The following DMD variants were observed in gnomAD, a reference collection of about 807,000 sequenced individuals.
The protein encoded by DMD is mutant dystrophin.
DMD carries 63 observed loss-of-function variants against 330.1 expected under a neutral mutation model. That is an observed-to-expected ratio of 0.19 (90% confidence interval 0.16 to 0.24). The LOEUF (loss-of-function observed/expected upper bound fraction) is 0.24, where lower values mean the gene tolerates loss of function less well. DMD is among the 10% of genes least tolerant of loss of function. The pLI is 1.00. For missense variants in DMD, 3,344 were observed against 2,684.1 expected (o/e 1.25, Z -5.43); for synonymous variants, 1,223 against 959.8 (o/e 1.27, Z -5.07).
intron 23 of DMD, among the ~76,000 whole-genome samples, chrX:32,465,498 G>GC (rs902440089): frequency 1.9e-5 from 2 of 107,884 alleles, no homozygotes; most frequent in Non-Finnish European, 3.8e-5. Flanking sequence ...CGATCACCTT[G>GC]CTGTTATCTT....
chrX:32,214,816 C>T lies in DMD; in HGVS notation c.6438+2100G>A, dbSNP rs141100637. ...TTGAATTTATTTGAAGTATCAAGCA[C>T]GCGCTAAGTTAAAATTCACAATGTC... On this transcript the variant is annotated intron_variant, in intron 44 of 78. Coordinates refer to ENST00000357033, the MANE Select transcript of DMD (RefSeq NM_004006.3). Among the ~76,000 whole-genome samples the T allele has an allele frequency of 2.5e-3, 274 of 111,767 alleles. 1 individual carries two copies. Among genetic ancestry groups the T allele is most frequent in the African/African-American group, 8.3e-3 (256 of 30,775 alleles).
chrX:31,764,219 A>G (rs1211968858), intron 51 of DMD, among the ~76,000 whole-genome samples: 1 of 111,506 alleles, frequency 9.0e-6, no homozygotes, highest in Admixed American at 9.6e-5. Flanking sequence ...ATCTCATTAT[A>G]TATAGCTTCT....
At chrX:32,303,817 A>G (rs903579086) in intron 42 of DMD, among the ~76,000 whole-genome samples, 2 of 110,459 alleles carry the variant, frequency 1.8e-5, no homozygotes, top group African/African-American at 6.6e-5. Flanking sequence ...GCAACACCCT[A>G]TATAAATCTA....
intron 30 of DMD, among the ~76,000 whole-genome samples, chrX:32,391,952 G>A (rs184040997): frequency 3.1e-4 from 35 of 112,077 alleles, no homozygotes; most frequent in Admixed American, 1.8e-3. Flanking sequence ...TCTGTGCCAC[G>A]TAATTCTGGC....
intron 63 of DMD, among the ~76,000 whole-genome samples, chrX:31,227,950 C>T (rs1426195140): frequency 2.8e-5 from 3 of 109,081 alleles, no homozygotes; most frequent in South Asian, 4.1e-4. Flanking sequence ...AGTTCATGTC[C>T]TTTGTAGGGA....
rs761082809 is a variant in DMD, at chrX:31,875,236, C to A, written c.7050G>T (p.Gln2350His). ...LLLWLSPIRN[Q>H]LEIYNQPNQE... is the part of the protein sequence containing the mutation. ...GGTTTGGTTGGTTATAAATTTCCAA[C>A]TGATTCCTAATAGGAGATAACCACA... The change falls in exon 48 of 79, where the codon CAG becomes CAT. Residue 2350 changes from glutamine (Q) to histidine (H), a missense_variant. Gln to His is a conservative substitution (Grantham distance 24). Coordinates refer to ENST00000357033, the MANE Select transcript of DMD (RefSeq NM_004006.3). The A allele has an allele frequency of 2.5e-6, 3 of 1,204,986 alleles. No homozygotes were observed. The highest frequency in any genetic ancestry group is 3.5e-5 in the African/African-American group (2 of 57,433).
chrX:31,325,352 C>G (rs2056706427), intron 61 of DMD, among the ~76,000 whole-genome samples: 1 of 107,556 alleles, frequency 9.3e-6, no homozygotes. Context: ...GTAATCCCAA[C>G]ACTTTGGGAG....
At chrX:31,323,938 G>A (rs1399281163) in intron 61 of DMD, among the ~76,000 whole-genome samples, 2 of 109,811 alleles carry the variant, frequency 1.8e-5, no homozygotes, top group Admixed American at 9.6e-5. Context: ...TGAATGAGTA[G>A]ACTGACGGGG....
chrX:32,206,108 A>C, intron 44 of DMD: 1 of 518,653 alleles, frequency 1.9e-6, no homozygotes, highest in Non-Finnish European at 3.5e-6. Flanking sequence ...CAATTAAAGT[A>C]ACACTGGCAG....
intron 7 of DMD, among the ~76,000 whole-genome samples, chrX:32,759,252 T>A (rs759260446): frequency 9.8e-5 from 11 of 112,124 alleles, no homozygotes; most frequent in Non-Finnish European, 2.1e-4. Flanking sequence ...AAGGAAAGGA[T>A]CATTTCTAAT....
intron 60 of DMD, among the ~76,000 whole-genome samples, chrX:31,441,440 G>T (rs951810516): frequency 1.8e-5 from 2 of 111,846 alleles, no homozygotes; most frequent in East Asian, 5.6e-4. Context: ...CAAGTGATCC[G>T]CCTGCCTCGG....
intron 9 of DMD, among the ~76,000 whole-genome samples, chrX:32,647,758 G>A (rs1044561683): frequency 2.7e-5 from 3 of 111,893 alleles, no homozygotes; most frequent in African/African-American, 9.8e-5. Context: ...GTATGTTACG[G>A]CTGTAATTAT....
chrX:32,021,062 C>T (rs756410802), intron 44 of DMD, among the ~76,000 whole-genome samples: 17 of 112,155 alleles, frequency 1.5e-4, no homozygotes, highest in Non-Finnish European at 2.6e-4. Context: ...ATACTACTAG[C>T]GAATACTGTT....
intron 19 of DMD, among the ~76,000 whole-genome samples, chrX:32,497,323 A>C (rs1038355373): frequency 3.6e-5 from 4 of 112,330 alleles, no homozygotes; most frequent in African/African-American, 1.3e-4. Flanking sequence ...TCTAGCACTC[A>C]GGGAATGATA....
chrX:32,982,647 G>T (rs1051486718), intron 2 of DMD, among the ~76,000 whole-genome samples: 1 of 111,193 alleles, frequency 9.0e-6, no homozygotes, highest in African/African-American at 3.3e-5. Context: ...TGGTTTACTG[G>T]GTCTGGAGCA....
chrX:32,137,249 T>A (rs1192139939), intron 44 of DMD, among the ~76,000 whole-genome samples: 1 of 111,523 alleles, frequency 9.0e-6, no homozygotes, highest in Non-Finnish European at 1.9e-5. Flanking sequence ...AACCACATAG[T>A]TGGTGCCTCC....
rs60876331 is a variant in DMD, at chrX:32,456,578, T to TTGTG, written c.3433-1750_3433-1747dup. ...AAAACTATACATTCACATACATACT[T>TTGTG]TGTGTGTGTGTGTGTGTGTGTGTGT... is the stretch of plus-strand genomic sequence containing the variant. On this transcript the variant is annotated intron_variant, in intron 25 of 78. Transcript: ENST00000357033. 6.6e-3 allele frequency among the ~76,000 whole-genome samples: 591 copies of TTGTG among 89,496 alleles called. 7 individuals carry two copies. Among genetic ancestry groups the TTGTG allele is most frequent in the African/African-American group, 0.022 (535 of 24,681 alleles). 77.7% of individuals were successfully genotyped at this position (89,496 alleles called of 115,157 possible).
At position 31,788,511 on chromosome X, in the gene DMD, T is replaced by C. The variant is rs181362215; in HGVS notation, c.7310-14319A>G. Among the ~76,000 whole-genome samples, 355 of 111,548 alleles carry C rather than the reference T, an allele frequency of 3.2e-3. 2 individuals are homozygous for C. The highest frequency in any genetic ancestry group is 0.01 in the African/African-American group (313 of 30,782). On this transcript the variant is annotated intron_variant, in intron 50 of 78. Coordinates refer to ENST00000357033, the MANE Select transcript of DMD (RefSeq NM_004006.3). ...CTAACATATGATCTACCCTGAAGAA[T>C]TGTTTCTTGTGCACTTGATAAGAAT...
intron 7 of DMD, among the ~76,000 whole-genome samples, chrX:32,713,167 G>A (rs1006117186): frequency 9.0e-6 from 1 of 111,601 alleles, no homozygotes; most frequent in Non-Finnish European, 1.9e-5. Flanking sequence ...TTTCTTAACT[G>A]TACTCACGCA....
Sources: allele counts gnomAD v4.1 joint callset (sites outside exome capture counted in the v4.1 genomes callset), GRCh38; gene constraint gnomAD v4.1.1; transcripts MANE v1.5; gene names NCBI Gene and HGNC (gene_info 2026-07-23, HGNC 2026-07-21).